AKAP9: variants seen among roughly 807,000 people sequenced by gnomAD.
The protein encoded by AKAP9 is A-kinase anchor protein 9.
AKAP9 carries 311 observed loss-of-function variants against 488.5 expected under a neutral mutation model. The ratio of observed to expected loss-of-function variants is 0.64; its 90% CI spans 0.58 to 0.70. The LOEUF is 0.70. AKAP9 is among the 30% of genes least tolerant of loss of function. The probability of loss-of-function intolerance (pLI) is 0.00; values close to 1 mark genes in which losing one functional copy is unlikely to be tolerated. For missense variants in AKAP9, 4,215 were observed against 4,374.5 expected, an observed-to-expected ratio of 0.96 and a Z score of 1.03; for synonymous variants, 1,462 against 1,483.5, an observed-to-expected ratio of 0.99 and a Z score of 0.33.
chr7:91,964,187 T>A (rs1364422469), intron 1 of AKAP9, among the ~76,000 whole-genome samples: 3 of 152,210 alleles, frequency 2.0e-5, no homozygotes. Context: ...TCTCTATGCC[T>A]ACAAGTACAA....
Position 92,110,211 on chromosome 7 carries a change from A to C in AKAP9, c.*52A>C. 1 of 1,398,152 alleles carries C rather than the reference A, an allele frequency of 7.2e-7. No homozygotes were observed. The highest frequency in any genetic ancestry group is 2.3e-5 in the East Asian group (1 of 43,372). The allele number at this position is 1,398,152 out of a possible 1,614,324, so 86.6% of individuals were successfully genotyped here. ...GATTTTAAATAGATTTCCTTTTGTA[A>C]ATCAATGGTTCTTTTGTGCTTTTGT... On this transcript the variant is annotated 3_prime_UTR_variant, in exon 50 of 50. Coordinates refer to ENST00000356239, the MANE Select transcript of AKAP9 (RefSeq NM_005751.5).
At chr7:92,018,183 T>A (rs1801785436) in intron 12 of AKAP9, among the ~76,000 whole-genome samples, 1 of 152,142 alleles carries the variant, frequency 6.6e-6, no homozygotes, top group Non-Finnish European at 1.5e-5. Flanking sequence ...GCTAGTACTT[T>A]TAATCTATTA....
intron 1 of AKAP9, among the ~76,000 whole-genome samples, chr7:91,955,908 C>T (rs1792932283): frequency 6.6e-6 from 1 of 152,156 alleles, no homozygotes; most frequent in South Asian, 2.1e-4. Flanking sequence ...GCTGGGATTA[C>T]AGGTGTGAGC....
At chr7:91,959,879 AG>A (rs1793518766) in intron 1 of AKAP9, among the ~76,000 whole-genome samples, 1 of 152,176 alleles carries the variant, frequency 6.6e-6, no homozygotes, top group Admixed American at 6.5e-5. Flanking sequence ...GTGATATTTA[AG>A]AATACTTTAA....
At chr7:92,045,292 T>C in intron 21 of AKAP9, 79 bp downstream of exon 21, 1 of 1,375,992 alleles carries the variant, frequency 7.3e-7, no homozygotes, top group African/African-American at 1.4e-5. Context: ...GTGTTGAAAA[T>C]ATAGAAGAGA....
chr7:92,097,608 G>A lies in AKAP9; in HGVS notation c.10421G>A (p.Ser3474Asn). The part of the protein sequence containing the change: ...LNEPTTWSLT[S>N]DRTRNWVLQQ... The stretch of plus-strand genomic sequence containing the variant: ...CAGCCAACCACGTGGAGCTTAACCA[G>A]TGATAGAACTAGAAATTGGGTTCTT... The change falls in exon 42 of 50, where the codon AGT becomes AAT. Residue 3474 changes from serine (S) to asparagine (N), a missense_variant. This residue lies in a region of AKAP9 where 1,476 missense variants were observed against 1,477.4 expected (regional missense o/e 1.00). Transcript: ENST00000356239. 1 of 1,613,628 alleles carries A rather than the reference G, an allele frequency of 6.2e-7. No individual in the cohort carries two copies. The highest frequency in any genetic ancestry group is 8.5e-7 in the Non-Finnish European group (1 of 1,180,012).
intron 14 of AKAP9, among the ~76,000 whole-genome samples, chr7:92,029,002 T>C (rs893225186): frequency 6.6e-6 from 1 of 152,036 alleles, no homozygotes; most frequent in African/African-American, 2.4e-5. Context: ...TAGAAAAGAA[T>C]AGGAGAAAGA....
rs971987765 is a variant in AKAP9 at position 92,108,731 on chromosome 7, C to T, written c.11686+98C>T. 1.1e-5 allele frequency: 16 copies of T among 1,462,140 alleles called. No homozygotes were observed. The East Asian group carries it at 3.5e-4, about 32-fold the overall frequency. 90.6% of individuals were successfully genotyped at this position (1,462,140 alleles called of 1,614,324 possible). On this transcript the variant is annotated intron_variant, in intron 49 of 49. Coordinates refer to ENST00000356239, the MANE Select transcript of AKAP9 (RefSeq NM_005751.5). Reference sequence around the variant, plus strand: ...TTCACACTCATTAGGATAATCAAAGCTTCCAGTTTAGTGCATGAGCTAATT... The same window carrying T: ...TTCACACTCATTAGGATAATCAAAGTTTCCAGTTTAGTGCATGAGCTAATT...
chr7:92,023,635 C>G (rs190395881), intron 14 of AKAP9, among the ~76,000 whole-genome samples: 18 of 152,290 alleles, frequency 1.2e-4, no homozygotes, highest in East Asian at 3.9e-4. Context: ...CTAACTCCCC[C>G]CTAAAGTCTG....
intron 3 of AKAP9, among the ~76,000 whole-genome samples, chr7:91,989,143 TA>T (rs869156109): frequency 1.8e-5 from 1 of 55,468 alleles, no homozygotes; most frequent in African/African-American, 8.4e-5. Flanking sequence ...ATTCCCTTAA[TA>T]AATTGTTCTC....
At chr7:92,040,944 C>T in intron 18 of AKAP9, 46 bp downstream of exon 18, 2 of 1,443,470 alleles carry the variant, frequency 1.4e-6, no homozygotes, top group Non-Finnish European at 1.9e-6. Context: ...ATTTTTTTTT[C>T]CAAACACCAA....
Position 92,048,058 on chromosome 7 carries a change from T to A in AKAP9, c.5368+2845T>A, listed in dbSNP as rs1397259868. 5.9e-5 allele frequency among the ~76,000 whole-genome samples: 9 copies of A among 152,262 alleles called. No homozygotes were observed. In the East Asian group the frequency reaches 1.7e-3, roughly 29 times the overall value. Reference sequence around the variant, plus strand: ...ATTTTTATATAAACCTGAAAGAAAATACTGGCTTTAAAATATTAACACTGT... The same window carrying A: ...ATTTTTATATAAACCTGAAAGAAAAAACTGGCTTTAAAATATTAACACTGT... On this transcript the variant is annotated intron_variant, in intron 21 of 49. Coordinates refer to ENST00000356239, the MANE Select transcript of AKAP9 (RefSeq NM_005751.5).
At chr7:92,080,241 C>A in intron 31 of AKAP9, 89 bp downstream of exon 31, 1 of 1,009,658 alleles carries the variant, frequency 9.9e-7, no homozygotes, top group South Asian at 1.7e-5. Context: ...CTGTTTACAT[C>A]TAACAATTTA....
intron 10 of AKAP9, among the ~76,000 whole-genome samples, chr7:92,014,941 A>G (rs1801301382): frequency 6.6e-6 from 1 of 152,272 alleles, no homozygotes; most frequent in Non-Finnish European, 1.5e-5. Context: ...AGAGTGAGCC[A>G]AAACACTAAG....
Position 92,086,388 on chromosome 7 carries a change from A to C in AKAP9, c.9185A>C (p.Asn3062Thr). ...LGTTDAVGLLNCLEQRIQEQG... is the reference protein window; with the variant it reads ...LGTTDAVGLLTCLEQRIQEQG... ...ACTACAGATGCAGTTGGTTTACTAA[A>C]CTGTTTGGAACAGAGAATACAAGAA... The change falls in exon 37 of 50, where the codon AAC becomes ACC. Residue 3062 changes from asparagine (N) to threonine (T), a missense_variant. By Grantham distance (65) the Asn-to-Thr change is moderately conservative. Around this residue, in one of 5 missense-constraint regions of AKAP9, gnomAD observed 1,476 missense variants for 1,477.4 expected, o/e 1.00. Transcript: ENST00000356239. 2 of 1,613,976 alleles carry C rather than the reference A, an allele frequency of 1.2e-6. No individual in the cohort carries two copies. Among genetic ancestry groups the C allele is most frequent in the Middle Eastern group, 3.3e-4 (2 of 6,062 alleles).
At chr7:92,104,642 A>G (rs1228487977) in intron 46 of AKAP9, among the ~76,000 whole-genome samples, 1 of 152,160 alleles carries the variant, frequency 6.6e-6, no homozygotes, top group African/African-American at 2.4e-5. Context: ...CAGTCTCCCA[A>G]GTCTCATTCA....
chr7:92,086,833 C>A (rs1292702809), intron 37 of AKAP9, among the ~76,000 whole-genome samples: 2 of 152,152 alleles, frequency 1.3e-5, no homozygotes, highest in Admixed American at 6.6e-5. Context: ...TTTTAAGACA[C>A]CTTATTTACT....
intron 1 of AKAP9, among the ~76,000 whole-genome samples, chr7:91,962,316 C>G (rs1793828174): frequency 6.6e-6 from 1 of 152,024 alleles, no homozygotes; most frequent in Non-Finnish European, 1.5e-5. Flanking sequence ...TATTATTTTT[C>G]TGAGAATTTA....
chr7:92,110,372 A>G lies in AKAP9; in HGVS notation c.*213A>G, dbSNP rs533857118. The stretch of plus-strand genomic sequence containing the variant: ...ATTCATGCACAATAATTATTGAATT[A>G]CCTGTATATTTGTGGAATGCTAATT... On this transcript the variant is annotated 3_prime_UTR_variant, in exon 50 of 50. Coordinates refer to ENST00000356239, the MANE Select transcript of AKAP9 (RefSeq NM_005751.5). The G allele has an allele frequency of 1.8e-6, 1 of 553,804 alleles. No individual in the cohort carries two copies. The highest frequency in any genetic ancestry group is 2.3e-5 in the South Asian group (1 of 43,802). The allele number at this position is 553,804 out of a possible 1,614,324, so 34.3% of individuals were successfully genotyped here.
Sources: allele counts gnomAD v4.1 joint callset (sites outside exome capture counted in the v4.1 genomes callset), GRCh38; gene constraint gnomAD v4.1.1; regional missense constraint gnomAD v4.1.1; transcripts MANE v1.5; gene names NCBI Gene and HGNC (gene_info 2026-07-23, HGNC 2026-07-21).